The following DLGAP2 variants were observed in gnomAD, a reference collection of about 807,000 sequenced individuals.
The protein encoded by DLGAP2 is disks large-associated protein 2.
DLGAP2 carries 26 observed loss-of-function variants against 100.3 expected under a neutral mutation model. The observed-to-expected ratio is 0.26, with a 90% CI of 0.19 to 0.36. The LOEUF (loss-of-function observed/expected upper bound fraction) is 0.36. Among genes scored for constraint, DLGAP2 ranks in the 10% least tolerant of loss-of-function variants. DLGAP2 has a pLI of 1.00. For synonymous variants in DLGAP2, 886 were observed against 630.1 expected (o/e 1.41, Z -6.08); for missense variants, 1,858 against 1,453.2 (o/e 1.28, Z -4.53).
chr8:1,030,186 C>T (rs552379118), intron 2 of DLGAP2, among the ~76,000 whole-genome samples: 6 of 152,322 alleles, frequency 3.9e-5, no homozygotes, highest in African/African-American at 1.4e-4. Context: ...CCAGCTCTTG[C>T]TAACAGACCC....
chr8:1,623,754 G>T (rs562724607), intron 6 of DLGAP2, among the ~76,000 whole-genome samples: 1 of 152,260 alleles, frequency 6.6e-6, no homozygotes, highest in Admixed American at 6.5e-5. Context: ...GTTGGGAAGA[G>T]GCCTGGTTTA....
At chr8:981,799 T>G (rs1584944920) in intron 2 of DLGAP2, among the ~76,000 whole-genome samples, 1 of 152,244 alleles carries the variant, frequency 6.6e-6, no homozygotes, top group East Asian at 1.9e-4. Flanking sequence ...AAGTTCTTTA[T>G]ATATTGTGGA....
chr8:1,273,294 G>A (rs1376189428), intron 3 of DLGAP2, among the ~76,000 whole-genome samples: 1 of 152,216 alleles, frequency 6.6e-6, no homozygotes, highest in South Asian at 2.1e-4. Context: ...GGAGCCACGT[G>A]GGCTGCTCTG....
intron 2 of DLGAP2, among the ~76,000 whole-genome samples, chr8:1,112,236 C>CCTT (rs1804979491): frequency 2.9e-5 from 2 of 69,610 alleles, no homozygotes; most frequent in Admixed American, 3.6e-4. Context: ...GTCCTTTGCC[C>CCTT]ATTTTTTTTT....
chr8:1,039,117 C>A (rs1321827453), intron 2 of DLGAP2, among the ~76,000 whole-genome samples: 1 of 151,746 alleles, frequency 6.6e-6, no homozygotes, highest in Non-Finnish European at 1.5e-5. Context: ...TGGTTGGTTG[C>A]GTTGAGGGAG....
In DLGAP2 at chr8:1,219,029, C is replaced by T. The variant is rs77813021; in HGVS notation, c.74-39822C>T. Among the ~76,000 whole-genome samples, 421 of 152,268 alleles carry T rather than the reference C, an allele frequency of 2.8e-3. 16 individuals are homozygous for T. The East Asian group carries it at 0.07, about 25-fold the overall frequency. ...AGTTTTAGGAGCCTTTGGGCAGAAA[C>T]TGCGGGGTTTTCTAGGTATAGAATC... On this transcript the variant is annotated intron_variant, in intron 2 of 14. Transcript: ENST00000637795.
At chr8:1,177,311 T>G (rs932601050) in intron 2 of DLGAP2, among the ~76,000 whole-genome samples, 2 of 152,146 alleles carry the variant, frequency 1.3e-5, no homozygotes, top group Non-Finnish European at 2.9e-5. Context: ...TTGGAGTATT[T>G]TTTGCTCAGG....
At chr8:1,633,067 G>C (rs766015613) in intron 8 of DLGAP2, 21 bp downstream of exon 8, 21 of 1,613,538 alleles carry the variant, frequency 1.3e-5, no homozygotes, top group Non-Finnish European at 1.8e-5. Context: ...GCCATTTTCA[G>C]CCTTCCAGCG....
In DLGAP2 at chr8:1,668,353, A is replaced by C; in HGVS notation, c.1835A>C (p.Lys612Thr). Residue 612 changes from lysine (K) to threonine (T), a missense_variant, in exon 9 of 15, where the codon AAA becomes ACA. Physicochemically the swap from Lys to Thr is moderately conservative, Grantham distance 78. Transcript: ENST00000637795. ...GCTGTCTCATATACAAATTACAAGA[A>C]AACGCCCCCACCGGTGCCCCCTCGG... ...TAAVSYTNYK[K>T]TPPPVPPRTT... 1 of 1,527,232 alleles carries C rather than the reference A, an allele frequency of 6.5e-7. No homozygotes were observed. The highest frequency in any genetic ancestry group is 8.8e-7 in the Non-Finnish European group (1 of 1,140,868). 94.6% of individuals were successfully genotyped at this position (1,527,232 alleles called of 1,614,324 possible). A position where few individuals can be genotyped will look rare whatever the true frequency, so the allele number is the denominator to read the frequency against.
chr8:1,043,908 G>C (rs1802443838), intron 2 of DLGAP2, among the ~76,000 whole-genome samples: 1 of 151,994 alleles, frequency 6.6e-6, no homozygotes, highest in Non-Finnish European at 1.5e-5. Context: ...CAGGTGTGGA[G>C]AGACGGGCAG....
At chr8:1,193,876 G>A (rs138547503) in intron 2 of DLGAP2, among the ~76,000 whole-genome samples, 7,058 of 152,170 alleles carry the variant, frequency 0.046, 295 homozygotes, top group Admixed American at 0.12. Flanking sequence ...CCTCCGCACC[G>A]CGCCGCCCCC....
intron 2 of DLGAP2, among the ~76,000 whole-genome samples, chr8:1,155,540 ATGTGATG>A (rs201663695): frequency 4.6e-5 from 7 of 152,046 alleles, no homozygotes; most frequent in African/African-American, 9.7e-5. Context: ...ACGACAGCAT[ATGTGATG>A]TGTGATGTGT....
intron 3 of DLGAP2, among the ~76,000 whole-genome samples, chr8:1,278,988 G>A (rs546014708): frequency 3.2e-4 from 48 of 152,174 alleles, no homozygotes; most frequent in Non-Finnish European, 5.9e-4. Flanking sequence ...TGAGGATAAA[G>A]AACATATAGA....
rs188966241 is a variant in DLGAP2, at chr8:1,637,763, C to G, written c.1810+4717C>G. ...GCACTGAAGTCCTGAGCATTGGCCC[C>G]GAAGGCCTAAAGTCTGGAAACAGTT... On this transcript the variant is annotated intron_variant, in intron 8 of 14. Transcript: ENST00000637795. 3.6e-4 allele frequency among the ~76,000 whole-genome samples: 55 copies of G among 152,318 alleles called. 1 individual carries two copies. Among genetic ancestry groups the G allele is most frequent in the African/African-American group, 1.1e-3 (47 of 41,566 alleles).
intron 3 of DLGAP2, among the ~76,000 whole-genome samples, chr8:1,353,968 G>A (rs1211329295): frequency 1.3e-5 from 2 of 152,168 alleles, no homozygotes; most frequent in Admixed American, 6.5e-5. Context: ...TGAAGTAAGT[G>A]GACGTTTTTT....
intron 2 of DLGAP2, among the ~76,000 whole-genome samples, chr8:1,066,436 C>T (rs1407507036): frequency 6.9e-6 from 1 of 145,674 alleles, no homozygotes; most frequent in Non-Finnish European, 1.5e-5. Flanking sequence ...TGAGTGAGGG[C>T]AGCTCCCCAC....
chr8:1,228,111 G>A (rs925916401), intron 2 of DLGAP2, among the ~76,000 whole-genome samples: 5 of 152,026 alleles, frequency 3.3e-5, no homozygotes, highest in African/African-American at 1.2e-4. Context: ...ATAGCACTAG[G>A]AGATATACCT....
At chr8:774,288 T>C (rs893579863) in intron 1 of DLGAP2, among the ~76,000 whole-genome samples, 1 of 152,224 alleles carries the variant, frequency 6.6e-6, no homozygotes, top group Non-Finnish European at 1.5e-5. Context: ...TTTTCTCCCA[T>C]TTTGTGAGTT....
At chr8:1,295,970 G>A (rs573144749) in intron 3 of DLGAP2, 1 of 152,336 alleles carries the variant, frequency 6.6e-6, no homozygotes, top group East Asian at 1.9e-4. Flanking sequence ...GAGACAGCCG[G>A]ATGCGGAGGA....
Sources: gnomAD v4.1 joint callset for allele counts (sites outside exome capture counted in the v4.1 genomes callset) on GRCh38, gnomAD v4.1.1 for gene constraint, MANE v1.5 for transcripts, NCBI Gene and HGNC (gene_info 2026-07-23, HGNC 2026-07-21) for gene names.